Variants in ZFHX3 observed in about 807,000 individuals in gnomAD.
ZFHX3 encodes zinc finger homeobox protein 3.
A neutral mutation model predicts 279.1 loss-of-function variants in ZFHX3; 42 were observed. The ratio of observed to expected loss-of-function variants is 0.15; its 90% CI spans 0.12 to 0.19. The LOEUF is 0.19. ZFHX3 is among the 10% of genes least tolerant of loss of function. The pLI is 1.00. For synonymous variants in ZFHX3, 2,293 were observed against 1,957.8 expected (o/e 1.17, Z -4.52); for missense variants, 4,981 against 4,754.0 (o/e 1.05, Z -1.40).
chr16:73,721,694 T>C (rs1458814532), intron 1 of ZFHX3, among the ~76,000 whole-genome samples: 1 of 152,176 alleles, frequency 6.6e-6, no homozygotes, highest in Non-Finnish European at 1.5e-5. Flanking sequence ...GAGAACAATA[T>C]CTCAACTCTG....
intron 3 of ZFHX3, among the ~76,000 whole-genome samples, chr16:73,416,275 C>T (rs2017579372): frequency 6.6e-6 from 1 of 152,110 alleles, no homozygotes; most frequent in Non-Finnish European, 1.5e-5. Flanking sequence ...TCTTCTTTCT[C>T]CTCTTCTTTC....
At chr16:73,024,539 A>G (rs1964425906) in intron 1 of ZFHX3, among the ~76,000 whole-genome samples, 1 of 152,194 alleles carries the variant, frequency 6.6e-6, no homozygotes, top group Non-Finnish European at 1.5e-5. Flanking sequence ...TTGCACTGAA[A>G]GGATCAGGGC....
chr16:73,339,919 G>A (rs1323015375), intron 3 of ZFHX3, among the ~76,000 whole-genome samples: 2 of 152,184 alleles, frequency 1.3e-5, no homozygotes, highest in Non-Finnish European at 2.9e-5. Flanking sequence ...ATTCAGCAGT[G>A]CTCGACAAAC....
chr16:72,977,465 T>G (rs977671919), intron 1 of ZFHX3, among the ~76,000 whole-genome samples: 3 of 152,116 alleles, frequency 2.0e-5, no homozygotes, highest in African/African-American at 4.8e-5. Flanking sequence ...GTCTTATTCT[T>G]AAAGGAGTTA....
intron 3 of ZFHX3, among the ~76,000 whole-genome samples, chr16:72,929,562 A>C (rs1431244987): frequency 3.3e-5 from 5 of 152,228 alleles, no homozygotes; most frequent in Non-Finnish European, 7.3e-5. Flanking sequence ...ACAGGTCATC[A>C]TCAGGATCTG....
chr16:73,765,871 C>G (rs1567402945), intron 1 of ZFHX3, among the ~76,000 whole-genome samples: 1 of 152,306 alleles, frequency 6.6e-6, no homozygotes, highest in East Asian at 1.9e-4. Context: ...CAACCCTTGG[C>G]CACACCACTG....
At chr16:73,133,984 T>G (rs950122625) in intron 6 of ZFHX3, among the ~76,000 whole-genome samples, 1 of 152,200 alleles carries the variant, frequency 6.6e-6, no homozygotes, top group East Asian at 1.9e-4. Flanking sequence ...CGATACTTAT[T>G]ATGTGCCAAA....
chr16:73,175,044 C>T (rs1001552215), intron 5 of ZFHX3, among the ~76,000 whole-genome samples: 2 of 150,648 alleles, frequency 1.3e-5, no homozygotes, highest in African/African-American at 4.9e-5. Context: ...AACCAACCAA[C>T]CAACCAAATA....
rs555336296 is a variant in ZFHX3, at chr16:73,011,725, G to GA, written c.-50+36026dup. On this transcript the variant is annotated intron_variant, in intron 1 of 9. Coordinates refer to ENST00000268489, the MANE Select transcript of ZFHX3 (RefSeq NM_006885.4). Reference sequence around the variant, plus strand: ...TGACAGAGCAAGACTCAATCTCAAGGAAAAAAAAAAAATCACAAGCCCCCC... The same window carrying GA: ...TGACAGAGCAAGACTCAATCTCAAGGAAAAAAAAAAAAATCACAAGCCCCCC... 8.5e-4 allele frequency among the ~76,000 whole-genome samples: 122 copies of GA among 143,970 alleles called. 2 individuals are homozygous for GA. In the East Asian group the frequency reaches 0.015, roughly 18 times the overall value. 94.4% of individuals were successfully genotyped at this position (143,970 alleles called of 152,430 possible). A position where few individuals can be genotyped will look rare whatever the true frequency, so the allele number is the denominator to read the frequency against.
At chr16:73,367,585 A>G (rs567120293) in intron 3 of ZFHX3, among the ~76,000 whole-genome samples, 59 of 152,052 alleles carry the variant, frequency 3.9e-4, no homozygotes, top group Non-Finnish European at 1.0e-4. Flanking sequence ...CTCCCTTTCC[A>G]TCAAAGAACA....
chr16:73,290,200 G>A (rs1301816375), intron 4 of ZFHX3, among the ~76,000 whole-genome samples: 1 of 152,174 alleles, frequency 6.6e-6, no homozygotes, highest in Admixed American at 6.5e-5. Context: ...TGCCTTCCCT[G>A]ATGGAGATTA....
At chr16:73,276,521 T>C (rs2014307102) in intron 4 of ZFHX3, among the ~76,000 whole-genome samples, 1 of 152,178 alleles carries the variant, frequency 6.6e-6, no homozygotes, top group Non-Finnish European at 1.5e-5. Context: ...GTTACTTACA[T>C]GGTACAGGTT....
At chr16:73,782,951 G>A (rs1389122401) in intron 1 of ZFHX3, among the ~76,000 whole-genome samples, 1 of 152,174 alleles carries the variant, frequency 6.6e-6, no homozygotes, top group African/African-American at 2.4e-5. Context: ...AACTCAATAG[G>A]TGAAAACTTC....
intron 2 of ZFHX3, among the ~76,000 whole-genome samples, chr16:73,671,143 A>G (rs1255239180): frequency 7.9e-5 from 12 of 152,248 alleles, no homozygotes; most frequent in Admixed American, 2.6e-4. Context: ...TCATAAATCA[A>G]ATGGGAACCC....
rs746381504 is a variant in ZFHX3 at position 72,787,719 on chromosome 16, ACCGCCGCCGCCGCCGCCACTGCCACCG to A, written c.10530_10556del (p.Ser3513_Gly3521del). The stretch of plus-strand genomic sequence containing the variant: ...AGCCGCCGCCGCCGCCGCCGCCGCC[ACCGCCGCCGCCGCCGCCACTGCCACCG>A]CCGCCGCCGCCGGTGGGGACGTGAA... On this transcript the variant is annotated inframe_deletion, in exon 10 of 10. Coordinates refer to ENST00000268489, the MANE Select transcript of ZFHX3 (RefSeq NM_006885.4). The A allele has an allele frequency of 4.5e-5, 59 of 1,297,338 alleles. 6 individuals are homozygous for A. The highest frequency in any genetic ancestry group is 2.8e-4 in the South Asian group (11 of 38,752). The allele number at this position is 1,297,338 out of a possible 1,614,324, so 80.4% of individuals were successfully genotyped here. A position where few individuals can be genotyped will look rare whatever the true frequency, so the allele number is the denominator to read the frequency against.
At chr16:73,473,738 A>C (rs1012768183) in intron 2 of ZFHX3, among the ~76,000 whole-genome samples, 1 of 152,214 alleles carries the variant, frequency 6.6e-6, no homozygotes, top group African/African-American at 2.4e-5. Flanking sequence ...TAAATGCTAA[A>C]ACAAACACAA....
rs578002119 is a variant in ZFHX3, at chr16:73,874,461, C to T, written c.-1608+17190G>A. On this transcript the variant is annotated intron_variant, in intron 1 of 17. Coordinates refer to the ZFHX3 transcript ENST00000641206. Reference sequence around the variant, plus strand: ...ACTAGTCATCATTTTTTATTTTATTCTTTCCAGCTGCATGTATTTACAAGA... The same window carrying T: ...ACTAGTCATCATTTTTTATTTTATTTTTTCCAGCTGCATGTATTTACAAGA... 2.0e-5 allele frequency among the ~76,000 whole-genome samples: 3 copies of T among 152,246 alleles called. No homozygotes were observed. In the South Asian group the frequency reaches 6.2e-4, roughly 32 times the overall value.
intron 2 of ZFHX3, among the ~76,000 whole-genome samples, chr16:73,526,411 G>T (rs1351319957): frequency 6.6e-6 from 1 of 152,140 alleles, no homozygotes; most frequent in East Asian, 1.9e-4. Flanking sequence ...CTGTGACCTC[G>T]CCACCCCCAC....
At position 73,863,986 on chromosome 16, in the gene ZFHX3, C is replaced by T. The variant is rs540562564; in HGVS notation, c.-1608+27665G>A. On this transcript the variant is annotated intron_variant, in intron 1 of 17. Coordinates refer to the ZFHX3 transcript ENST00000641206. The stretch of plus-strand genomic sequence containing the variant: ...CACTCCCACCTCTCCTCAAAACTTA[C>T]GAATAGTAATTCCAGCTTCAAGTCA... 5.3e-5 allele frequency among the ~76,000 whole-genome samples: 8 copies of T among 152,284 alleles called. No individual in the cohort carries two copies. In the South Asian group the frequency reaches 1.2e-3, roughly 24 times the overall value.
Sources: allele counts gnomAD v4.1 joint callset (sites outside exome capture counted in the v4.1 genomes callset), GRCh38; gene constraint gnomAD v4.1.1; transcripts MANE v1.5; gene names NCBI Gene and HGNC (gene_info 2026-07-23, HGNC 2026-07-21).